The following VSNL1 variants were observed in gnomAD, a reference collection of about 807,000 sequenced individuals.
VSNL1 encodes visinin-like protein 1.
Under a neutral mutation model 20.4 loss-of-function variants are expected in VSNL1, and 6 were observed. That is an observed-to-expected ratio of 0.29 (90% CI 0.16 to 0.58). The LOEUF (loss-of-function observed/expected upper bound fraction) is 0.58, where lower values mean the gene tolerates loss of function less well. Ranked by LOEUF, VSNL1 falls within the 20% of genes least tolerant of loss-of-function variation. The probability of loss-of-function intolerance (pLI) is 0.90; values close to 1 mark genes in which losing one functional copy is unlikely to be tolerated. For synonymous variants in VSNL1, 93 were observed against 86.4 expected (o/e 1.08, Z -0.42); for missense variants, 100 against 234.5 (o/e 0.43, Z 3.75).
intron 2 of VSNL1, among the ~76,000 whole-genome samples, chr2:17,643,404 T>A (rs1179817037): frequency 2.0e-5 from 3 of 152,190 alleles, no homozygotes; most frequent in African/African-American, 7.2e-5. Flanking sequence ...GGCCAAGTGG[T>A]GAGCCTTCTG....
chr2:17,563,995 C>G (rs1394964893), intron 1 of VSNL1, among the ~76,000 whole-genome samples: 1 of 151,890 alleles, frequency 6.6e-6, no homozygotes, highest in Non-Finnish European at 1.5e-5. Context: ...AAGGTTTTTT[C>G]AGAGTCACAC....
At chr2:17,644,301 G>A (rs1200671090) in intron 2 of VSNL1, among the ~76,000 whole-genome samples, 2 of 152,174 alleles carry the variant, frequency 1.3e-5, no homozygotes, top group South Asian at 2.1e-4. Context: ...GGAAAGGCCC[G>A]ACCACCCCAC....
chr2:17,610,644 T>C (rs1354531012), intron 2 of VSNL1, among the ~76,000 whole-genome samples: 1 of 152,164 alleles, frequency 6.6e-6, no homozygotes, highest in Non-Finnish European at 1.5e-5. Flanking sequence ...ACAAGCACAC[T>C]GGCAAGACAT....
intron 1 of VSNL1, among the ~76,000 whole-genome samples, chr2:17,565,363 T>A (rs750406007): frequency 3.9e-5 from 6 of 152,188 alleles, no homozygotes; most frequent in Non-Finnish European, 5.9e-5. Flanking sequence ...GAAATTATTT[T>A]CATTTCTATT....
In VSNL1 at chr2:17,649,748, C is replaced by G. The variant is rs1666084596; in HGVS notation, c.378+123C>G. Reference sequence around the variant, plus strand: ...CGAGCCCTGCCAGCTGCACACCACGCCTGGACTTCTCCTGCTTCTGTCCCC... The same window carrying G: ...CGAGCCCTGCCAGCTGCACACCACGGCTGGACTTCTCCTGCTTCTGTCCCC... On this transcript the variant is annotated intron_variant, in intron 3 of 3. Transcript: ENST00000295156. The surrounding 1 kb of genome is among the most constrained non-coding windows in gnomAD (Gnocchi z 6.4). The G allele has an allele frequency of 1.1e-6, 1 of 905,788 alleles. No homozygotes were observed. The highest frequency in any genetic ancestry group is 1.6e-5 in the South Asian group (1 of 60,954). 56.1% of individuals were successfully genotyped at this position (905,788 alleles called of 1,614,324 possible). A position where few individuals can be genotyped will look rare whatever the true frequency, so the allele number is the denominator to read the frequency against.
chr2:17,604,622 G>A (rs543996453), intron 2 of VSNL1, among the ~76,000 whole-genome samples: 5 of 152,322 alleles, frequency 3.3e-5, no homozygotes, highest in Admixed American at 6.5e-5. Flanking sequence ...AGAACCAGCT[G>A]GGCCTGGCTG....
intron 1 of VSNL1, among the ~76,000 whole-genome samples, chr2:17,557,669 C>G (rs13423024): frequency 3.9e-5 from 6 of 152,134 alleles, no homozygotes; most frequent in African/African-American, 1.4e-4. Context: ...TACTGCATTT[C>G]TTTTTGAAAA....
At chr2:17,601,873 T>C (rs565837159) in intron 2 of VSNL1, among the ~76,000 whole-genome samples, 48 of 152,118 alleles carry the variant, frequency 3.2e-4, no homozygotes, top group African/African-American at 9.4e-4. Context: ...GAGGCAGAGG[T>C]TGCAGTGAGC....
chr2:17,627,107 A>G (rs1450852899), intron 2 of VSNL1, among the ~76,000 whole-genome samples: 1 of 152,180 alleles, frequency 6.6e-6, no homozygotes, highest in Non-Finnish European at 1.5e-5. Context: ...CGCCAAGGAG[A>G]CACCACATAC....
chr2:17,569,004 T>C (rs1664019205), intron 1 of VSNL1, among the ~76,000 whole-genome samples: 1 of 152,166 alleles, frequency 6.6e-6, no homozygotes. Flanking sequence ...TCTTCAACTT[T>C]TATGTTCTTA....
chr2:17,580,414 C>T (rs982605287), intron 1 of VSNL1, among the ~76,000 whole-genome samples: 3 of 152,166 alleles, frequency 2.0e-5, no homozygotes, highest in Non-Finnish European at 2.9e-5. Context: ...AACTGTTGAC[C>T]ACAAAACCAG....
chr2:17,594,516 T>G (rs559642572), intron 2 of VSNL1, among the ~76,000 whole-genome samples: 2 of 152,318 alleles, frequency 1.3e-5, no homozygotes, highest in East Asian at 3.9e-4. Flanking sequence ...AGAAAAAGCT[T>G]CTTTTAATGT....
intron 2 of VSNL1, among the ~76,000 whole-genome samples, chr2:17,596,503 G>A (rs145685821): frequency 6.6e-6 from 1 of 152,336 alleles, no homozygotes; most frequent in African/African-American, 2.4e-5. Flanking sequence ...AAGCAAGTGT[G>A]TAGGGAAGAA....
chr2:17,607,224 C>G (rs543712657), intron 2 of VSNL1, among the ~76,000 whole-genome samples: 1 of 152,114 alleles, frequency 6.6e-6, no homozygotes, highest in Non-Finnish European at 1.5e-5. Flanking sequence ...CTGTTGCTAG[C>G]GAGTTGATCT....
chr2:17,569,117 GC>G (rs1170508704), intron 1 of VSNL1, among the ~76,000 whole-genome samples: 1 of 151,990 alleles, frequency 6.6e-6, no homozygotes, highest in Non-Finnish European at 1.5e-5. Context: ...GACCTGTCTG[GC>G]CAACATGGCG....
intron 2 of VSNL1, among the ~76,000 whole-genome samples, chr2:17,597,511 C>T (rs58455704): frequency 5.3e-5 from 8 of 152,138 alleles, no homozygotes; most frequent in Non-Finnish European, 1.2e-4. Flanking sequence ...AGGCCACTGA[C>T]AGGTGCACCT....
intron 1 of VSNL1, among the ~76,000 whole-genome samples, chr2:17,571,197 G>T (rs1326038031): frequency 6.6e-6 from 1 of 152,110 alleles, no homozygotes; most frequent in Non-Finnish European, 1.5e-5. Flanking sequence ...CTATGGTTTG[G>T]GTCAGGCAAC....
chr2:17,651,636 C>T (rs1432354366), intron 3 of VSNL1, among the ~76,000 whole-genome samples: 1 of 152,220 alleles, frequency 6.6e-6, no homozygotes, highest in Non-Finnish European at 1.5e-5. Context: ...AGGGCTGGGC[C>T]AGCTCCCGGC....
chr2:17,545,934 C>T (rs1163456876), intron 1 of VSNL1: 3 of 151,962 alleles, frequency 2.0e-5, no homozygotes, highest in African/African-American at 4.8e-5. Flanking sequence ...TACTGCAGTC[C>T]TAACACAGAC....
Sources: gnomAD v4.1 joint callset for allele counts (sites outside exome capture counted in the v4.1 genomes callset) on GRCh38, gnomAD v4.1.1 for gene constraint, Gnocchi (gnomAD v3.1) non-coding constraint, MANE v1.5 for transcripts, NCBI Gene and HGNC (gene_info 2026-07-23, HGNC 2026-07-21) for gene names.